The following UBR4 variants were observed in gnomAD, a reference collection of about 807,000 sequenced individuals.
The protein encoded by UBR4 is E3 ubiquitin-protein ligase UBR4.
UBR4 carries 124 observed loss-of-function variants against 575.6 expected under a neutral mutation model. That is an observed-to-expected ratio of 0.22 (90% confidence interval 0.19 to 0.25). The LOEUF is 0.25. Ranked by LOEUF, UBR4 falls within the 10% of genes least tolerant of loss-of-function variation. UBR4 has a pLI of 1.00. For missense variants in UBR4, 4,818 were observed against 6,478.8 expected (o/e 0.74, Z 8.80); for synonymous variants, 2,455 against 2,473.7 (o/e 0.99, Z 0.22).
At chr1:19,164,641 A>G (rs946985750) in intron 32 of UBR4, among the ~76,000 whole-genome samples, 158 bp downstream of exon 32, 2 of 152,252 alleles carry the variant, frequency 1.3e-5, no homozygotes, top group Non-Finnish European at 2.9e-5. Flanking sequence ...TCCATGGGAA[A>G]AAAATCAAGG....
At position 19,170,896 on chromosome 1, in the gene UBR4, CAG is replaced by C. The variant is rs548724960; in HGVS notation, c.3522-15_3522-14del. The stretch of plus-strand genomic sequence containing the variant: ...CAGCAAATAGGCTCTGGGGAAAAAA[CAG>C]GGGGAAAGTGAAGCCATAAGATTCT... On this transcript the variant is annotated splice_polypyrimidine_tract_variant and intron_variant, in intron 25 of 105. Coordinates refer to ENST00000375254, the MANE Select transcript of UBR4 (RefSeq NM_020765.3). 3.5e-4 allele frequency: 560 copies of C among 1,614,058 alleles called. 2 individuals carry two copies. In the African/African-American group the frequency reaches 6.4e-3, roughly 18 times the overall value.
intron 2 of UBR4, among the ~76,000 whole-genome samples, chr1:19,200,183 T>C (rs2092675994): frequency 1.3e-5 from 2 of 151,892 alleles, no homozygotes. Context: ...GAGTGTGCAA[T>C]CTTTTGGCTT....
chr1:19,169,334 T>C, intron 27 of UBR4, 101 bp downstream of exon 27: 1 of 924,828 alleles, frequency 1.1e-6, no homozygotes, highest in Non-Finnish European at 1.6e-6. Flanking sequence ...TATATGAAGA[T>C]ATCTTGGTAG....
At chr1:19,106,155 C>T (rs2079170331) in intron 83 of UBR4, among the ~76,000 whole-genome samples, 1 of 152,266 alleles carries the variant, frequency 6.6e-6, no homozygotes, top group East Asian at 1.9e-4. Context: ...TTTGGGGACA[C>T]TTATATGCTG....
In UBR4 at chr1:19,176,604, G is replaced by C; in HGVS notation, c.2761C>G (p.His921Asp). 1 of 1,613,802 alleles carries C rather than the reference G, an allele frequency of 6.2e-7. No individual in the cohort carries two copies. Among genetic ancestry groups the C allele is most frequent in the Non-Finnish European group, 8.5e-7 (1 of 1,179,966 alleles). Reference sequence around the variant, plus strand: ...TCTTCTTTCTGACCTGATGAGAAATGCTTAGACCAGTTTTCTTCTACTTCT... The same window carrying C: ...TCTTCTTTCTGACCTGATGAGAAATCCTTAGACCAGTTTTCTTCTACTTCT... ...FKEVEENWSKHFSSDAVPHPR... is the reference protein window; with the variant it reads ...FKEVEENWSKDFSSDAVPHPR... Residue 921 changes from histidine (H) to aspartate (D), a missense_variant, in exon 20 of 106, where the codon CAT becomes GAT. Transcript: ENST00000375254.
At chr1:19,126,126 T>C (rs1049744113) in intron 64 of UBR4, among the ~76,000 whole-genome samples, 3 of 152,208 alleles carry the variant, frequency 2.0e-5, no homozygotes, top group Non-Finnish European at 2.9e-5. Context: ...GCACAGGGAA[T>C]ATCTGACACA....
intron 67 of UBR4, 57 bp downstream of exon 67, chr1:19,121,877 C>A: frequency 6.3e-7 from 1 of 1,588,816 alleles, no homozygotes; most frequent in Non-Finnish European, 8.6e-7. Context: ...ATATAGTAGG[C>A]CTTAACAGTT....
In UBR4 at chr1:19,081,410, T is replaced by C; in HGVS notation, c.15172A>G (p.Ile5058Val). Residue 5058 changes from isoleucine to valine, a missense_variant, in exon 103 of 106, where the codon ATC becomes GTC. This residue lies in a region of UBR4 where 212 missense variants were observed against 221.3 expected (regional missense o/e 0.96). Transcript: ENST00000375254. ...PEQWRATRVE[I>V]LRRLLVTSQA... ...GAGGTCACCAACAGCCTCCGCAAGA[T>C]TTCCACACGTGTGGCTCTCCACTGC... 1 of 1,613,754 alleles carries C rather than the reference T, an allele frequency of 6.2e-7. No homozygotes were observed. The highest frequency in any genetic ancestry group is 8.5e-7 in the Non-Finnish European group (1 of 1,179,838).
chr1:19,121,365 A>G lies in UBR4; in HGVS notation c.9965T>C (p.Leu3322Pro), dbSNP rs2081157131. Residue 3322 changes from leucine (L) to proline (P), a missense_variant, in exon 68 of 106, where the codon CTG becomes CCG. Physicochemically the swap from Leu to Pro is moderately conservative, Grantham distance 98. This residue lies in a region of UBR4 where 550 missense variants were observed against 791.5 expected (regional missense o/e 0.69). Transcript: ENST00000375254. ...GCTGCCGCACAGAGCACAGGAGAGC[A>G]GTTGCAGCAGCACTGGGGACACGCC... ...DEGVSPVLLQLLSCALCGSKV... is the reference protein window; with the variant it reads ...DEGVSPVLLQPLSCALCGSKV... 1 of 1,614,066 alleles carries G rather than the reference A, an allele frequency of 6.2e-7. No homozygotes were observed. Among genetic ancestry groups the G allele is most frequent in the Non-Finnish European group, 8.5e-7 (1 of 1,180,016 alleles).
At position 19,139,655 on chromosome 1, in the gene UBR4, C is replaced by T. The variant is rs895541363; in HGVS notation, c.8594-435G>A. Among the ~76,000 whole-genome samples, 2 of 152,184 alleles carry T rather than the reference C, an allele frequency of 1.3e-5. No individual in the cohort carries two copies. Among genetic ancestry groups the T allele is most frequent in the Non-Finnish European group, 2.9e-5 (2 of 68,040 alleles). Reference sequence around the variant, plus strand: ...AGCCATTACCATTCAAAGCATAGAACTCTGAATTTTAATGAGACTTGTTTT... The same window carrying T: ...AGCCATTACCATTCAAAGCATAGAATTCTGAATTTTAATGAGACTTGTTTT... On this transcript the variant is annotated intron_variant, in intron 58 of 105. Transcript: ENST00000375254. The surrounding 1 kb of genome is among the most constrained non-coding windows in gnomAD (Gnocchi z 4.2).
chr1:19,144,041 C>T lies in UBR4; in HGVS notation c.8118G>A (p.Arg2706=). The change falls in exon 55 of 106, where the codon AGG becomes AGA. Residue 2706 remains arginine (R), a synonymous_variant. Coordinates refer to ENST00000375254, the MANE Select transcript of UBR4 (RefSeq NM_020765.3). The part of the protein sequence containing the change: ...SCKQALIRVL[R]PRNKRRHVTL... ...TCACATGTCTCCGTTTGTTCCTGGG[C>T]CTTAGGACTCGAATTAGAGCTTGTT... 1.2e-6 allele frequency: 2 copies of T among 1,614,014 alleles called. No individual in the cohort carries two copies. The highest frequency in any genetic ancestry group is 1.3e-5 in the African/African-American group (1 of 75,012).
chr1:19,100,871 G>A lies in UBR4; in HGVS notation c.13024-298C>T, dbSNP rs1375191557. On this transcript the variant is annotated intron_variant, in intron 88 of 105. Coordinates refer to ENST00000375254, the MANE Select transcript of UBR4 (RefSeq NM_020765.3). The surrounding 1 kb of genome is among the most constrained non-coding windows in gnomAD (Gnocchi z 4.2). ...GATATATTAAAAAATCGGGGAAGGGGTGCGAGGAGGGACTTTCCTTCCTCC... is the reference window on the plus strand; with the variant it reads ...GATATATTAAAAAATCGGGGAAGGGATGCGAGGAGGGACTTTCCTTCCTCC... 6.6e-6 allele frequency among the ~76,000 whole-genome samples: 1 copy of A among 151,928 alleles called. No individual in the cohort carries two copies. The highest frequency in any genetic ancestry group is 1.9e-4 in the East Asian group (1 of 5,168).
At position 19,112,606 on chromosome 1, in the gene UBR4, G is replaced by A. The variant is rs369392946; in HGVS notation, c.11719C>T (p.Arg3907Trp). ...RHILVSQGLI[R>W]ELFDYNLRRG... ...CGAAGATTATAATCAAAGAGCTCCCGGATAAGGCCCTGGGAGACAAGGATG... is the reference window on the plus strand; with the variant it reads ...CGAAGATTATAATCAAAGAGCTCCCAGATAAGGCCCTGGGAGACAAGGATG... Residue 3907 changes from arginine (R) to tryptophan (W), a missense_variant, in exon 78 of 106, where the codon CGG (arginine) becomes TGG (tryptophan). Arg to Trp is a moderately radical substitution (Grantham distance 101). Around this residue, in one of 29 missense-constraint regions of UBR4, gnomAD observed 333 missense variants for 459.2 expected, o/e 0.73. Transcript: ENST00000375254. 1.3e-5 allele frequency: 21 copies of A among 1,614,144 alleles called. No homozygotes were observed. The highest frequency in any genetic ancestry group is 1.5e-5 in the Non-Finnish European group (18 of 1,180,052).
chr1:19,116,478 C>T (rs985624689), intron 73 of UBR4, among the ~76,000 whole-genome samples: 8 of 151,908 alleles, frequency 5.3e-5, no homozygotes, highest in Non-Finnish European at 1.0e-4. Context: ...GCCTTCATGG[C>T]CACGTGTTGC....
intron 38 of UBR4, 76 bp downstream of exon 38, chr1:19,160,841 T>C (rs1027161811): frequency 5.6e-5 from 77 of 1,378,082 alleles, no homozygotes; most frequent in Middle Eastern, 3.6e-4. Context: ...GGGAGCCATG[T>C]GCATTATTTA....
chr1:19,179,407 A>G (rs762030257), intron 17 of UBR4, among the ~76,000 whole-genome samples, 187 bp from the exon 18 acceptor site: 1 of 152,258 alleles, frequency 6.6e-6, no homozygotes, highest in Non-Finnish European at 1.5e-5. Flanking sequence ...TGAGAAAAAC[A>G]TAAGTGAAAA....
intron 48 of UBR4, 65 bp downstream of exon 48, chr1:19,151,578 G>A: frequency 2.6e-6 from 4 of 1,548,522 alleles, no homozygotes; most frequent in Non-Finnish European, 3.6e-6. Context: ...ACAGCCACAG[G>A]CCAGTGGCTC....
chr1:19,093,042 T>C lies in UBR4; in HGVS notation c.14112-124A>G. On this transcript the variant is annotated intron_variant, in intron 96 of 105. Transcript: ENST00000375254. The surrounding 1 kb of genome is among the most constrained non-coding windows in gnomAD (Gnocchi z 4.8). ...TAACCGTGACCCTCTCCGAGTGTCATAAAGAATCACATAGAACCACCCAGC... is the reference window on the plus strand; with the variant it reads ...TAACCGTGACCCTCTCCGAGTGTCACAAAGAATCACATAGAACCACCCAGC... 4 of 946,914 alleles carry C rather than the reference T, an allele frequency of 4.2e-6. No homozygotes were observed. The highest frequency in any genetic ancestry group is 5.2e-5 in the East Asian group (2 of 38,104). The allele number at this position is 946,914 out of a possible 1,614,324, so 58.7% of individuals were successfully genotyped here.
At chr1:19,206,864 G>A (rs901789690) in intron 1 of UBR4, among the ~76,000 whole-genome samples, 1 of 152,294 alleles carries the variant, frequency 6.6e-6, no homozygotes, top group East Asian at 1.9e-4. Flanking sequence ...ACAGGGGTTA[G>A]ACCTAGGAAC....
Sources: gnomAD v4.1 joint callset for allele counts (sites outside exome capture counted in the v4.1 genomes callset) on GRCh38, gnomAD v4.1.1 for gene constraint, gnomAD v4.1.1 regional missense constraint, Gnocchi (gnomAD v3.1) non-coding constraint, MANE v1.5 for transcripts, NCBI Gene and HGNC (gene_info 2026-07-23, HGNC 2026-07-21) for gene names.